CC2D2A: variants seen among roughly 807,000 people sequenced by gnomAD.
The protein encoded by CC2D2A is coiled-coil and C2 domain containing 2A.
In CC2D2A, 155 loss-of-function variants were observed where a neutral mutation model predicts 212.9. The observed-to-expected ratio is 0.73, with a 90% CI of 0.64 to 0.83. CC2D2A has a LOEUF of 0.83. Among genes scored for constraint, CC2D2A ranks in the 40% least tolerant of loss-of-function variants. The pLI, the probability that CC2D2A is intolerant of heterozygous loss-of-function variation, is 0.00. For missense variants in CC2D2A, 1,856 were observed against 1,956.2 expected (o/e 0.95, Z 0.97); for synonymous variants, 667 against 686.5 (o/e 0.97, Z 0.44).
chr4:15,524,264 C>A (rs903071305), intron 11 of CC2D2A, among the ~76,000 whole-genome samples: 1 of 151,358 alleles, frequency 6.6e-6, no homozygotes, highest in Non-Finnish European at 1.5e-5. Context: ...TCCCGAGTAG[C>A]TGGGATTATA....
chr4:15,547,464 C>T (rs1718770875), intron 17 of CC2D2A, among the ~76,000 whole-genome samples: 1 of 152,058 alleles, frequency 6.6e-6, no homozygotes, highest in African/African-American at 2.4e-5. Context: ...CCTCCTCTAC[C>T]TCCTCCCTTC....
Position 15,514,835 on chromosome 4 carries a change from A to G in CC2D2A, c.846A>G (p.Glu282=). 2 of 1,613,948 alleles carry G rather than the reference A, an allele frequency of 1.2e-6. No individual in the cohort carries two copies. The highest frequency in any genetic ancestry group is 1.7e-6 in the Non-Finnish European group (2 of 1,179,832). Residue 282 remains glutamate (E), a synonymous_variant, in exon 9 of 37, where the codon GAA becomes GAG. Transcript: ENST00000424120. ...GCATCCATGATCGGCTGCAGATGGA[A>G]AGAGAAATGCTCTTCATACCCAGTA... ...YESIHDRLQM[E]REMLFIPSRQ...
chr4:15,590,839 C>T (rs1179553045), intron 33 of CC2D2A, among the ~76,000 whole-genome samples: 4 of 152,122 alleles, frequency 2.6e-5, no homozygotes, highest in African/African-American at 4.8e-5. Flanking sequence ...TGCGTTCATG[C>T]GATTCTCCTA....
intron 17 of CC2D2A, chr4:15,544,006 AG>A (rs1282344767): frequency 6.6e-6 from 1 of 152,212 alleles, no homozygotes; most frequent in Non-Finnish European, 1.5e-5. Context: ...GATTCCCTGC[AG>A]GGATTCCTTT....
rs895786252 is a variant in CC2D2A at position 15,538,099 on chromosome 4, C to A, written c.1965C>A (p.Ser655Arg). ...PWEPTLVPEL[S>R]LAGSVTPNDQ... ...AGCCCACGCTGGTCCCGGAGCTAAG[C>A]CTGGCAGGAAGCGTAACACCCAATG... is the stretch of plus-strand genomic sequence containing the variant. The change falls in exon 16 of 37, where the codon AGC (serine) becomes AGA (arginine). Residue 655 changes from serine to arginine, a missense_variant. This residue lies in a region of CC2D2A where 1,512 missense variants were observed against 1,579.3 expected (regional missense o/e 0.96). Transcript: ENST00000424120. 1 of 1,601,850 alleles carries A rather than the reference C, an allele frequency of 6.2e-7. No individual in the cohort carries two copies. Among genetic ancestry groups the A allele is most frequent in the Non-Finnish European group, 8.5e-7 (1 of 1,173,836 alleles).
Position 15,502,812 on chromosome 4 carries a change from G to T in CC2D2A, c.337-10G>T. On this transcript the variant is annotated splice_polypyrimidine_tract_variant and intron_variant, in intron 5 of 36. Transcript: ENST00000424120. ...ATCATGTAGCAGTAAATTTCTGTTT[G>T]ACTTTTTAGTCCAAAGCAGAAAGTG... 1 of 1,601,618 alleles carries T rather than the reference G, an allele frequency of 6.2e-7. No homozygotes were observed. Among genetic ancestry groups the T allele is most frequent in the South Asian group, 1.1e-5 (1 of 88,454 alleles).
At chr4:15,567,252 C>A in intron 24 of CC2D2A, 125 bp from the exon 25 acceptor site, 1 of 701,730 alleles carries the variant, frequency 1.4e-6, no homozygotes, top group Non-Finnish European at 2.4e-6. Context: ...CAGCCGAGAT[C>A]ATGCCACTGC....
At position 15,480,754 on chromosome 4, in the gene CC2D2A, C is replaced by T. The variant is rs778135028; in HGVS notation, c.174C>T (p.Gly58=). ...KEMVSEKSHL[G]NPQEPVQEEP... ...TGGTGTCCGAAAAATCCCACCTTGG[C>T]AACCCCCAGGAGCCTGTGCAGGAGG... The change falls in exon 4 of 37, where the codon GGC becomes GGT. Residue 58 remains glycine (G), a synonymous_variant. Coordinates refer to ENST00000424120, the MANE Select transcript of CC2D2A (RefSeq NM_001378615.1). The T allele has an allele frequency of 1.9e-6, 3 of 1,612,696 alleles. No homozygotes were observed. The African/African-American group carries it at 4.0e-5, about 22-fold the overall frequency.
intron 17 of CC2D2A, among the ~76,000 whole-genome samples, chr4:15,548,825 G>C (rs187063518): frequency 6.6e-6 from 1 of 152,068 alleles, no homozygotes; most frequent in Non-Finnish European, 1.5e-5. Context: ...TAAAAATATA[G>C]AGAACATTTT....
chr4:15,515,797 T>G, intron 9 of CC2D2A, 71 bp from the exon 10 acceptor site: 2 of 1,359,072 alleles, frequency 1.5e-6, no homozygotes, highest in Non-Finnish European at 2.0e-6. Context: ...TGGTGATTAA[T>G]TCACCAAACT....
chr4:15,524,422 C>T (rs1332222953), intron 11 of CC2D2A, among the ~76,000 whole-genome samples: 3 of 150,292 alleles, frequency 2.0e-5, no homozygotes, highest in African/African-American at 7.4e-5. Flanking sequence ...TGAGCCACTG[C>T]ACTCGGCCTT....
chr4:15,556,714 T>A (rs1319040259), intron 20 of CC2D2A, among the ~76,000 whole-genome samples: 1 of 152,170 alleles, frequency 6.6e-6, no homozygotes, highest in Admixed American at 6.5e-5. Flanking sequence ...GCAGTCCACA[T>A]CTGCTCAGCT....
intron 30 of CC2D2A, among the ~76,000 whole-genome samples, chr4:15,583,712 G>A (rs1720744442): frequency 6.6e-6 from 1 of 152,168 alleles, no homozygotes; most frequent in Non-Finnish European, 1.5e-5. Flanking sequence ...CACTTTGGGA[G>A]GCCGAGGCGG....
chr4:15,547,584 A>C (rs1718775458), intron 17 of CC2D2A, among the ~76,000 whole-genome samples: 1 of 152,160 alleles, frequency 6.6e-6, no homozygotes, highest in Non-Finnish European at 1.5e-5. Flanking sequence ...TACAACATAC[A>C]ACTCACCACA....
Position 15,560,530 on chromosome 4 carries a change from G to T in CC2D2A, c.2923-1G>T. The T allele has an allele frequency of 6.9e-7, 1 of 1,441,486 alleles. No individual in the cohort carries two copies. 89.3% of individuals were successfully genotyped at this position (1,441,486 alleles called of 1,614,324 possible). A position where few individuals can be genotyped will look rare whatever the true frequency, so the allele number is the denominator to read the frequency against. On this transcript the variant is annotated splice_acceptor_variant, in intron 22 of 36. Transcript: ENST00000424120. LOFTEE classifies it high-confidence loss of function. The stretch of plus-strand genomic sequence containing the variant: ...TTAAATAAGCTGATTTCTTTCCCCA[G>T]GTTAGAGAATCAGTGATAAATCGTT...
At position 15,510,126 on chromosome 4, in the gene CC2D2A, T is replaced by G. The variant is rs1305181844; in HGVS notation, c.439-13T>G. 4.4e-6 allele frequency: 7 copies of G among 1,593,094 alleles called. No homozygotes were observed. The highest frequency in any genetic ancestry group is 5.2e-6 in the Non-Finnish European group (6 of 1,162,748). On this transcript the variant is annotated splice_polypyrimidine_tract_variant and intron_variant, in intron 6 of 36. Coordinates refer to ENST00000424120, the MANE Select transcript of CC2D2A (RefSeq NM_001378615.1). Reference sequence around the variant, plus strand: ...TTAAATGGTTTATCTATCATTTTTTTCCACTCATATAGCCAGGGAAAGAGG... The same window carrying G: ...TTAAATGGTTTATCTATCATTTTTTGCCACTCATATAGCCAGGGAAAGAGG...
At chr4:15,545,277 T>C (rs1262279073) in intron 17 of CC2D2A, among the ~76,000 whole-genome samples, 2 of 152,212 alleles carry the variant, frequency 1.3e-5, no homozygotes, top group Non-Finnish European at 2.9e-5. Context: ...TAAAGCATAG[T>C]ATATTTCAGA....
At chr4:15,495,387 G>T (rs1377824809) in intron 4 of CC2D2A, among the ~76,000 whole-genome samples, 2 of 152,170 alleles carry the variant, frequency 1.3e-5, no homozygotes, top group Non-Finnish European at 2.9e-5. Flanking sequence ...AGGATTACAG[G>T]CATGAGCCAC....
At chr4:15,511,100 A>G in intron 7 of CC2D2A, 147 bp from the exon 8 acceptor site, 1 of 807,328 alleles carries the variant, frequency 1.2e-6, no homozygotes, top group Non-Finnish European at 1.8e-6. Context: ...TATTACCAGT[A>G]GTCTCACACC....
Sources: allele counts gnomAD v4.1 joint callset (sites outside exome capture counted in the v4.1 genomes callset), GRCh38; gene constraint gnomAD v4.1.1; regional missense constraint gnomAD v4.1.1; transcripts MANE v1.5; gene names NCBI Gene and HGNC (gene_info 2026-07-23, HGNC 2026-07-21).